Variants in GRIK2 observed in about 807,000 individuals in gnomAD.
GRIK2 encodes the protein glutamate ionotropic receptor kainate type subunit 2.
A neutral mutation model predicts 100.3 loss-of-function variants in GRIK2; 32 were observed. The observed-to-expected ratio is 0.32, with a 90% CI of 0.24 to 0.43. GRIK2 has a LOEUF of 0.43. Among genes scored for constraint, GRIK2 ranks in the 20% least tolerant of loss-of-function variants. The pLI is 1.00. For synonymous variants in GRIK2, 417 were observed against 389.4 expected, an observed-to-expected ratio of 1.07 and a Z score of -0.83; for missense variants, 843 against 1,114.9, an observed-to-expected ratio of 0.76 and a Z score of 3.47.
intron 14 of GRIK2, among the ~76,000 whole-genome samples, chr6:101,984,804 A>T (rs1793927593): frequency 6.6e-6 from 1 of 151,750 alleles, no homozygotes. Flanking sequence ...GACCCCAATA[A>T]TGAAATTAAA....
intron 16 of GRIK2, among the ~76,000 whole-genome samples, chr6:102,059,334 A>C (rs1771627535): frequency 6.6e-6 from 1 of 151,186 alleles, no homozygotes; most frequent in East Asian, 1.9e-4. Flanking sequence ...AATACTCAGA[A>C]CCTTTTCTCA....
intron 14 of GRIK2, among the ~76,000 whole-genome samples, chr6:102,031,118 CACACACACA>C (rs1562124536): frequency 1.7e-4 from 22 of 130,026 alleles, no homozygotes; most frequent in African/African-American, 6.0e-4. Flanking sequence ...CACACACACA[CACACACACA>C]CCCCCTTTGA....
At chr6:101,569,301 A>T (rs1387960159) in intron 2 of GRIK2, among the ~76,000 whole-genome samples, 1 of 151,964 alleles carries the variant, frequency 6.6e-6, no homozygotes, top group Non-Finnish European at 1.5e-5. Context: ...TTAAGCAAAA[A>T]TGCTAACAGT....
At chr6:102,028,077 G>C (rs1319165327) in intron 14 of GRIK2, among the ~76,000 whole-genome samples, 2 of 151,090 alleles carry the variant, frequency 1.3e-5, no homozygotes, top group Non-Finnish European at 3.0e-5. Context: ...GACTTGCAAA[G>C]AGCCAAATAA....
intron 2 of GRIK2, among the ~76,000 whole-genome samples, chr6:101,563,410 A>T (rs1055340547): frequency 6.6e-6 from 1 of 152,208 alleles, no homozygotes; most frequent in African/African-American, 2.4e-5. Flanking sequence ...AATTCGATTC[A>T]GATTTGTTGA....
At chr6:101,913,479 C>T (rs1405043620) in intron 12 of GRIK2, among the ~76,000 whole-genome samples, 2 of 151,426 alleles carry the variant, frequency 1.3e-5, no homozygotes, top group East Asian at 3.9e-4. Context: ...CAGTATTGTT[C>T]TAATGCTGTA....
intron 2 of GRIK2, among the ~76,000 whole-genome samples, chr6:101,595,955 ATT>A (rs61558249): frequency 1.9e-3 from 263 of 141,930 alleles, no homozygotes; most frequent in East Asian, 6.6e-3. Flanking sequence ...ATTCATTAAA[ATT>A]TTTTTTTTTT....
At chr6:101,876,009 T>TTGTG (rs3054436) in intron 11 of GRIK2, among the ~76,000 whole-genome samples, 10,780 of 148,880 alleles carry the variant, frequency 0.072, 1,062 homozygotes, top group African/African-American at 0.23. Flanking sequence ...GTTTATGTGT[T>TTGTG]TGTGTGTGTG....
chr6:101,532,986 GA>G (rs940152728), intron 2 of GRIK2, among the ~76,000 whole-genome samples: 12 of 151,684 alleles, frequency 7.9e-5, no homozygotes, highest in Non-Finnish European at 2.9e-5. Context: ...ACACAGAAGG[GA>G]GGCTAAAATA....
At chr6:101,901,135 G>T (rs1206937685) in intron 12 of GRIK2, among the ~76,000 whole-genome samples, 2 of 151,606 alleles carry the variant, frequency 1.3e-5, no homozygotes, top group Non-Finnish European at 2.9e-5. Context: ...TTTTAAGTTT[G>T]GTATTTTATT....
chr6:102,006,396 T>A (rs1453123772), intron 14 of GRIK2, among the ~76,000 whole-genome samples: 52 of 132,750 alleles, frequency 3.9e-4, no homozygotes, highest in East Asian at 3.5e-3. Context: ...ATATATTTTT[T>A]TTTTTTTTGA....
At chr6:101,899,061 A>C (rs1000215588) in intron 12 of GRIK2, among the ~76,000 whole-genome samples, 2 of 150,162 alleles carry the variant, frequency 1.3e-5, no homozygotes. Context: ...CCTGTTGGGT[A>C]TACATATATA....
chr6:101,833,659 T>C (rs960083709), intron 10 of GRIK2, among the ~76,000 whole-genome samples: 6 of 152,088 alleles, frequency 3.9e-5, no homozygotes, highest in African/African-American at 1.4e-4. Flanking sequence ...AGATTGTCAT[T>C]AACTTTCAAA....
rs1772133427 is a variant in GRIK2 at position 102,068,681 on chromosome 6, T to G, written c.*170T>G. 1.7e-6 allele frequency: 1 copy of G among 584,932 alleles called. No homozygotes were observed. The highest frequency in any genetic ancestry group is 3.2e-5 in the Admixed American group (1 of 31,570). The allele number at this position is 584,932 out of a possible 1,614,324, so 36.2% of individuals were successfully genotyped here. A position where few individuals can be genotyped will look rare whatever the true frequency, so the allele number is the denominator to read the frequency against. On this transcript the variant is annotated 3_prime_UTR_variant, in exon 17 of 17. Transcript: ENST00000369134. Reference sequence around the variant, plus strand: ...TCTAAGCAGTTGCAATGATCAGACTTGATTTACAAGCATCATGGATCAACC... The same window carrying G: ...TCTAAGCAGTTGCAATGATCAGACTGGATTTACAAGCATCATGGATCAACC...
rs541454498 is a variant in GRIK2, at chr6:101,828,570, C to G, written c.1317+10087C>G. On this transcript the variant is annotated intron_variant, in intron 10 of 16. Coordinates refer to ENST00000369134, the MANE Select transcript of GRIK2 (RefSeq NM_021956.5). ...AGAGAGAAGATCCAACTAAGCACAA[C>G]TGAACACAACATATGTGATATTACA... is the stretch of plus-strand genomic sequence containing the variant. 2.0e-3 allele frequency among the ~76,000 whole-genome samples: 310 copies of G among 151,838 alleles called. 3 individuals are homozygous for G. The highest frequency in any genetic ancestry group is 7.0e-3 in the African/African-American group (290 of 41,516).
At chr6:101,877,480 T>C (rs1188983463) in intron 11 of GRIK2, among the ~76,000 whole-genome samples, 2 of 151,994 alleles carry the variant, frequency 1.3e-5, no homozygotes, top group Non-Finnish European at 2.9e-5. Context: ...GCAAATACTA[T>C]ATACTTCATA....
chr6:101,992,367 A>T (rs1279584829), intron 14 of GRIK2, among the ~76,000 whole-genome samples: 1 of 151,620 alleles, frequency 6.6e-6, no homozygotes, highest in African/African-American at 2.4e-5. Context: ...AATTGCATAG[A>T]TAAAAGCCTA....
chr6:101,690,409 T>G (rs899503377), intron 7 of GRIK2, among the ~76,000 whole-genome samples: 3 of 152,146 alleles, frequency 2.0e-5, no homozygotes, highest in Non-Finnish European at 4.4e-5. Flanking sequence ...CAAAAATCAT[T>G]AAGCACTGTC....
Position 101,482,155 on chromosome 6 carries a change from C to T in GRIK2, c.115+82763C>T, listed in dbSNP as rs79521374. On this transcript the variant is annotated intron_variant, in intron 2 of 16. Transcript: ENST00000369134. Reference sequence around the variant, plus strand: ...AATACGTCATTGGTTATTATACACACTAGTGAAGTCAAAGTCTAATAATTG... The same window carrying T: ...AATACGTCATTGGTTATTATACACATTAGTGAAGTCAAAGTCTAATAATTG... Among the ~76,000 whole-genome samples, 1,193 of 152,296 alleles carry T rather than the reference C, an allele frequency of 7.8e-3. 21 individuals are homozygous for T. The highest frequency in any genetic ancestry group is 0.027 in the African/African-American group (1,130 of 41,556).
Sources: gnomAD v4.1 joint callset for allele counts (sites outside exome capture counted in the v4.1 genomes callset) on GRCh38, gnomAD v4.1.1 for gene constraint, MANE v1.5 for transcripts, NCBI Gene and HGNC (gene_info 2026-07-23, HGNC 2026-07-21) for gene names.